The following CCDC201 variants were observed in gnomAD, a reference collection of about 807,000 sequenced individuals.
CCDC201 encodes coiled-coil domain containing 201, also known as coiled-coil domain-containing protein 201.
exon 3 of CCDC201, chr7:45,860,193 C>T (rs1786579178): frequency 6.6e-6 from 1 of 152,292 alleles, no homozygotes; most frequent in Non-Finnish European, 1.5e-5. Context: ...AAAGAACCTT[C>T]TTAAGCGTGG....
At chr7:45,863,332 A>T (rs1786625913) in intron 2 of CCDC201, among the ~76,000 whole-genome samples, 161 bp from the exon 3 acceptor site, 1 of 152,194 alleles carries the variant, frequency 6.6e-6, no homozygotes, top group Non-Finnish European at 1.5e-5. Flanking sequence ...AACATACTTC[A>T]AATGGGATAC....
At chr7:45,874,526 C>T (rs1029500927), upstream of CCDC201, among the ~76,000 whole-genome samples, 13 of 152,324 alleles carry the variant, frequency 8.5e-5, no homozygotes, top group South Asian at 1.7e-3. Flanking sequence ...CAGAGCTAAG[C>T]GGCTCTCAGC....
At position 45,860,864 on chromosome 7, in the gene CCDC201, T is replaced by C. The variant is rs576874802; in HGVS notation, c.*2221A>G. 26 of 152,366 alleles carry C rather than the reference T, an allele frequency of 1.7e-4. No homozygotes were observed. In the South Asian group the frequency reaches 4.8e-3, roughly 28 times the overall value. 9.4% of individuals were successfully genotyped at this position (152,366 alleles called of 1,614,324 possible). On this transcript the variant is annotated 3_prime_UTR_variant, in exon 3 of 3. Transcript: ENST00000636578. ...TGCACCATTTGTGAAATCCAAGAGATTGCATTTTGAACACTTTAACTAGAG... is the reference window on the plus strand; with the variant it reads ...TGCACCATTTGTGAAATCCAAGAGACTGCATTTTGAACACTTTAACTAGAG...
chr7:45,870,262 G>A (rs759409139), intron 1 of CCDC201, among the ~76,000 whole-genome samples: 1 of 152,198 alleles, frequency 6.6e-6, no homozygotes, highest in Admixed American at 6.5e-5. Flanking sequence ...AATGAGTAAA[G>A]AAGTTGAACA....
At chr7:45,860,671 T>C (rs1457502285) in exon 3 of CCDC201, 1 of 152,214 alleles carries the variant, frequency 6.6e-6, no homozygotes, top group Non-Finnish European at 1.5e-5. Flanking sequence ...ATGCCCTGTC[T>C]CCCTTTCTAA....
Position 45,870,499 on chromosome 7 carries a change from C to A in CCDC201, c.18+2491G>T, listed in dbSNP as rs1206031603. Reference sequence around the variant, plus strand: ...AGTAGAATTATGGGCAAAGATAATGCCACAGAAATGCAAATGAAAAAATGT... The same window carrying A: ...AGTAGAATTATGGGCAAAGATAATGACACAGAAATGCAAATGAAAAAATGT... On this transcript the variant is annotated intron_variant, in intron 1 of 2. Transcript: ENST00000636578. Among the ~76,000 whole-genome samples, 3 of 151,962 alleles carry A rather than the reference C, an allele frequency of 2.0e-5. No homozygotes were observed. The East Asian group carries it at 5.8e-4, about 29-fold the overall frequency.
intron 1 of CCDC201, among the ~76,000 whole-genome samples, chr7:45,871,319 T>C (rs1474272326): frequency 6.6e-6 from 1 of 152,026 alleles, no homozygotes; most frequent in East Asian, 1.9e-4. Flanking sequence ...AACTCATGGC[T>C]TACACTAAAA....
intron 1 of CCDC201, among the ~76,000 whole-genome samples, chr7:45,871,171 C>T (rs1786739433): frequency 6.6e-6 from 1 of 152,090 alleles, no homozygotes; most frequent in Non-Finnish European, 1.5e-5. Flanking sequence ...CCCAGACATG[C>T]ATAGGAGGAT....
chr7:45,860,552 C>T (rs544106439), exon 3 of CCDC201: 2 of 152,294 alleles, frequency 1.3e-5, no homozygotes, highest in Admixed American at 6.5e-5. Flanking sequence ...ATTACCAGGG[C>T]TATTGTTTAG....
chr7:45,871,384 CA>C (rs1172850266), intron 1 of CCDC201, among the ~76,000 whole-genome samples: 1 of 147,006 alleles, frequency 6.8e-6, no homozygotes, highest in African/African-American at 2.5e-5. Flanking sequence ...GAAAAAAAAA[CA>C]AAAAAATTAA....
chr7:45,883,709 C>T, the CCDC201 span, among the ~76,000 whole-genome samples: 1 of 152,234 alleles, frequency 6.6e-6, no homozygotes, highest in Non-Finnish European at 1.5e-5. Context: ...GCCATCCCAT[C>T]TGAAGCATCA....
At chr7:45,874,004 C>G (rs1786772230), upstream of CCDC201, among the ~76,000 whole-genome samples, 1 of 145,050 alleles carries the variant, frequency 6.9e-6, no homozygotes, top group Non-Finnish European at 1.5e-5. Context: ...ACTGTAACTT[C>G]TGCCTCCTGG....
intron 1 of CCDC201, among the ~76,000 whole-genome samples, chr7:45,872,681 T>C (rs1786755123): frequency 6.6e-6 from 1 of 152,156 alleles, no homozygotes; most frequent in African/African-American, 2.4e-5. Context: ...GAGCCCAGGC[T>C]GATGAGATGT....
chr7:45,881,971 G>C, the CCDC201 span, among the ~76,000 whole-genome samples: 1 of 152,148 alleles, frequency 6.6e-6, no homozygotes, highest in South Asian at 2.1e-4. Context: ...TCATCAGCTT[G>C]GGAGATAAGG....
chr7:45,868,348 G>A (rs775236916), intron 1 of CCDC201, among the ~76,000 whole-genome samples: 65 of 152,174 alleles, frequency 4.3e-4, no homozygotes, highest in Non-Finnish European at 9.4e-4. Context: ...AGGCTGCAAT[G>A]TCTTTGTATA....
At chr7:45,865,398 A>G (rs1411857751) in intron 2 of CCDC201, among the ~76,000 whole-genome samples, 1 of 152,228 alleles carries the variant, frequency 6.6e-6, no homozygotes, top group Non-Finnish European at 1.5e-5. Context: ...GCTATGGTGA[A>G]GGTGGGACAT....
chr7:45,879,946 C>T, the CCDC201 span, among the ~76,000 whole-genome samples: 1 of 152,064 alleles, frequency 6.6e-6, no homozygotes, highest in African/African-American at 2.4e-5. Flanking sequence ...ATTAGCCAGG[C>T]ATGGTGGTGG....
At chr7:45,875,125 C>A (rs1261778778), upstream of CCDC201, among the ~76,000 whole-genome samples, 1 of 152,048 alleles carries the variant, frequency 6.6e-6, no homozygotes, top group Non-Finnish European at 1.5e-5. Context: ...CATACACACA[C>A]TACAGAGAAG....
At chr7:45,881,585 A>G in the CCDC201 span, among the ~76,000 whole-genome samples, 12 of 151,976 alleles carry the variant, frequency 7.9e-5, no homozygotes, top group Non-Finnish European at 1.6e-4. Flanking sequence ...ACCCCCCTTT[A>G]CCAGAGGTGA....
Sources: allele counts gnomAD v4.1 joint callset (sites outside exome capture counted in the v4.1 genomes callset), GRCh38; gene constraint gnomAD v4.1.1; transcripts MANE v1.5; gene names NCBI Gene and HGNC (gene_info 2026-07-23, HGNC 2026-07-21).